Variants in NALCN observed in about 807,000 individuals in gnomAD.
The protein encoded by NALCN is sodium leak channel, non-selective.
NALCN carries 111 observed loss-of-function variants against 225.3 expected under a neutral mutation model. The observed-to-expected ratio is 0.49, with a 90% confidence interval of 0.42 to 0.58. The LOEUF (loss-of-function observed/expected upper bound fraction) is 0.58. Ranked by LOEUF, NALCN falls within the 20% of genes least tolerant of loss-of-function variation. The pLI, the probability that NALCN is intolerant of heterozygous loss-of-function variation, is 0.00. For missense variants in NALCN, 1,378 were observed against 2,202.4 expected (o/e 0.63, Z 7.49); for synonymous variants, 764 against 769.0 (o/e 0.99, Z 0.11).
chr13:101,097,654 AC>A (rs1430242066), intron 27 of NALCN, among the ~76,000 whole-genome samples: 1 of 152,192 alleles, frequency 6.6e-6, no homozygotes, highest in Non-Finnish European at 1.5e-5. Context: ...GATATGGGTA[AC>A]AAAAACAGCA....
intron 11 of NALCN, among the ~76,000 whole-genome samples, chr13:101,255,734 A>G (rs760890476): frequency 6.6e-6 from 1 of 152,222 alleles, no homozygotes; most frequent in Admixed American, 6.5e-5. Flanking sequence ...TACATTATCA[A>G]TCTCTGTTCC....
chr13:101,362,630 A>G (rs555951597), intron 6 of NALCN, among the ~76,000 whole-genome samples: 192 of 152,246 alleles, frequency 1.3e-3, no homozygotes, highest in African/African-American at 4.4e-3. Context: ...CATGGCTAAC[A>G]TCATACCAAA....
Position 101,059,951 on chromosome 13 carries a change from C to T in NALCN, c.4772G>A (p.Cys1591Tyr). 1.2e-6 allele frequency: 2 copies of T among 1,614,032 alleles called. No homozygotes were observed. The highest frequency in any genetic ancestry group is 1.7e-6 in the Non-Finnish European group (2 of 1,179,992). The change falls in exon 42 of 44, where the codon TGC becomes TAC. Residue 1591 changes from cysteine to tyrosine, a missense_variant. This residue lies in a region of NALCN where 94 missense variants were observed against 170.3 expected (regional missense o/e 0.55). Transcript: ENST00000251127. ...CTCTCTCAGGCTGTGGATGATACTGCACGACTGCTGCTGTTTCTATGGAAA... is the reference window on the plus strand; with the variant it reads ...CTCTCTCAGGCTGTGGATGATACTGTACGACTGCTGCTGTTTCTATGGAAA... ...KRIRAKQQQS[C>Y]SIIHSLRESQ...
At chr13:101,386,408 T>C in intron 3 of NALCN, among the ~76,000 whole-genome samples, 1 of 152,178 alleles carries the variant, frequency 6.6e-6, no homozygotes, top group African/African-American at 2.4e-5. Context: ...GGAGCTCTGC[T>C]TGGTTTTGTC....
At chr13:101,103,448 C>A in intron 25 of NALCN, 109 bp from the exon 26 acceptor site, 2 of 1,318,948 alleles carry the variant, frequency 1.5e-6, no homozygotes, top group Non-Finnish European at 2.1e-6. Flanking sequence ...ATTCCACTCA[C>A]TGGTTGTACG....
chr13:101,370,594 C>T (rs759339189), intron 6 of NALCN, among the ~76,000 whole-genome samples: 5 of 152,158 alleles, frequency 3.3e-5, no homozygotes, highest in Non-Finnish European at 7.3e-5. Context: ...TGAAGCACAA[C>T]AGAGCCCCAC....
At chr13:101,253,105 A>G (rs7320517) in intron 11 of NALCN, among the ~76,000 whole-genome samples, 47,285 of 151,982 alleles carry the variant, frequency 0.31, 7,930 homozygotes, top group Non-Finnish European at 0.38. Flanking sequence ...TTAGATCACA[A>G]TGAAAAGTTA....
intron 17 of NALCN, among the ~76,000 whole-genome samples, chr13:101,137,452 G>T (rs2036856986): frequency 6.6e-6 from 1 of 151,854 alleles, no homozygotes; most frequent in African/African-American, 2.4e-5. Context: ...TGAGTAACTT[G>T]CTATGTGAGG....
At chr13:101,328,156 G>A (rs8001797) in intron 7 of NALCN, among the ~76,000 whole-genome samples, 42,226 of 152,096 alleles carry the variant, frequency 0.28, 6,208 homozygotes, top group Non-Finnish European at 0.33. Context: ...AGGACATAGC[G>A]TCTCAGCTTA....
At chr13:101,325,087 T>A (rs1227730561) in intron 7 of NALCN, among the ~76,000 whole-genome samples, 1 of 152,190 alleles carries the variant, frequency 6.6e-6, no homozygotes, top group African/African-American at 2.4e-5. Flanking sequence ...GTTCATAGCT[T>A]CTCAGTGGCT....
chr13:101,264,921 C>G (rs2042549586), intron 10 of NALCN, among the ~76,000 whole-genome samples: 3 of 152,202 alleles, frequency 2.0e-5, no homozygotes, highest in Admixed American at 2.0e-4. Context: ...GACATCATTA[C>G]AGACTCTCAT....
intron 13 of NALCN, among the ~76,000 whole-genome samples, chr13:101,222,496 T>G (rs1332324168): frequency 6.6e-6 from 1 of 152,006 alleles, no homozygotes; most frequent in African/African-American, 2.4e-5. Context: ...TTACTTCCAC[T>G]CACATAAAGG....
intron 6 of NALCN, among the ~76,000 whole-genome samples, chr13:101,355,999 A>C (rs1258717859): frequency 6.6e-6 from 1 of 152,206 alleles, no homozygotes; most frequent in Non-Finnish European, 1.5e-5. Flanking sequence ...CTTTGAAACC[A>C]ATGAGAACAA....
chr13:101,383,746 A>C (rs959229387), intron 3 of NALCN, among the ~76,000 whole-genome samples: 2 of 152,240 alleles, frequency 1.3e-5, no homozygotes, highest in Non-Finnish European at 2.9e-5. Flanking sequence ...TAACCATGAA[A>C]GATCACAGAC....
chr13:101,079,076 G>T (rs893918394), intron 34 of NALCN, among the ~76,000 whole-genome samples: 1 of 152,148 alleles, frequency 6.6e-6, no homozygotes, highest in Non-Finnish European at 1.5e-5. Flanking sequence ...CACCATGATT[G>T]TAAGTTGCCT....
In NALCN at chr13:101,264,296, C is replaced by T. The variant is rs572177900; in HGVS notation, c.1135-5722G>A. 5.9e-5 allele frequency among the ~76,000 whole-genome samples: 9 copies of T among 152,062 alleles called. No homozygotes were observed. In the South Asian group the frequency reaches 1.7e-3, roughly 28 times the overall value. On this transcript the variant is annotated intron_variant, in intron 10 of 43. Coordinates refer to ENST00000251127, the MANE Select transcript of NALCN (RefSeq NM_052867.4). Reference sequence around the variant, plus strand: ...ATACACATTTGATTTTTTAAAGTTTCCTTTAATTGCAATGTCATTTTGGTT... The same window carrying T: ...ATACACATTTGATTTTTTAAAGTTTTCTTTAATTGCAATGTCATTTTGGTT...
At chr13:101,398,279 G>A (rs2047372205) in intron 2 of NALCN, among the ~76,000 whole-genome samples, 3 of 152,180 alleles carry the variant, frequency 2.0e-5, no homozygotes, top group Admixed American at 2.0e-4. Context: ...GGGAAGGACA[G>A]CAAAGAGTCC....
At chr13:101,343,052 C>A (rs1442545428) in intron 7 of NALCN, among the ~76,000 whole-genome samples, 3 of 151,952 alleles carry the variant, frequency 2.0e-5, no homozygotes, top group African/African-American at 4.8e-5. Context: ...TAATTAGGCA[C>A]CTAATTATGT....
At chr13:101,094,145 G>A (rs553173821) in intron 28 of NALCN, among the ~76,000 whole-genome samples, 5 of 152,252 alleles carry the variant, frequency 3.3e-5, no homozygotes, top group Middle Eastern at 3.4e-3. Context: ...TTTGGAGGGG[G>A]GTACCCTTTC....
Sources: allele counts gnomAD v4.1 joint callset (sites outside exome capture counted in the v4.1 genomes callset), GRCh38; gene constraint gnomAD v4.1.1; regional missense constraint gnomAD v4.1.1; transcripts MANE v1.5; gene names NCBI Gene and HGNC (gene_info 2026-07-23, HGNC 2026-07-21).